The following FLT1 variants were observed in gnomAD, a reference collection of about 807,000 sequenced individuals.
FLT1 encodes the protein fms related receptor tyrosine kinase 1.
FLT1 carries 49 observed loss-of-function variants against 156.3 expected under a neutral mutation model. The observed-to-expected ratio is 0.31, with a 90% CI of 0.25 to 0.40. The LOEUF (loss-of-function observed/expected upper bound fraction) is 0.40, where lower values mean the gene tolerates loss of function less well. Ranked by LOEUF, FLT1 falls within the 10% of genes least tolerant of loss-of-function variation. The pLI is 1.00. For missense variants in FLT1, 1,322 were observed against 1,637.2 expected, an observed-to-expected ratio of 0.81 and a Z score of 3.32; for synonymous variants, 594 against 583.8, an observed-to-expected ratio of 1.02 and a Z score of -0.25.
At chr13:28,318,658 A>G (rs1871305318) in intron 24 of FLT1, among the ~76,000 whole-genome samples, 1 of 152,094 alleles carries the variant, frequency 6.6e-6, no homozygotes, top group African/African-American at 2.4e-5. Context: ...AAGCAGGGGA[A>G]TGATTTTCAC....
At position 28,387,067 on chromosome 13, in the gene FLT1, G is replaced by A. The variant is rs554319813; in HGVS notation, c.1970-2036C>T. 7 of 1,035,646 alleles carry A rather than the reference G, an allele frequency of 6.8e-6. No individual in the cohort carries two copies. The African/African-American group carries it at 1.0e-4, about 15-fold the overall frequency. The allele number at this position is 1,035,646 out of a possible 1,614,324, so 64.2% of individuals were successfully genotyped here. ...CTCCCTGACAGGTGGATTGGAAAAC[G>A]GTGTTTAAAGAGAAGAGAACATTTT... On this transcript the variant is annotated intron_variant, in intron 13 of 29. Transcript: ENST00000282397.
intron 3 of FLT1, among the ~76,000 whole-genome samples, chr13:28,456,888 G>A (rs978202825): frequency 5.3e-5 from 8 of 152,102 alleles, no homozygotes; most frequent in Non-Finnish European, 1.0e-4. Flanking sequence ...TAGATTTTAG[G>A]GCAGTGAAAA....
chr13:28,383,648 C>T (rs1246241532), intron 14 of FLT1, among the ~76,000 whole-genome samples: 5 of 148,684 alleles, frequency 3.4e-5, no homozygotes, highest in African/African-American at 1.0e-4. Context: ...GGCGACAGAG[C>T]GAGACTCTGT....
At chr13:28,325,771 C>A (rs1212959808) in intron 20 of FLT1, among the ~76,000 whole-genome samples, 1 of 139,268 alleles carries the variant, frequency 7.2e-6, no homozygotes, top group Non-Finnish European at 1.5e-5. Flanking sequence ...GCTGAGATCA[C>A]ACCACTGCAC....
At chr13:28,345,146 G>T (rs377597997) in intron 16 of FLT1, among the ~76,000 whole-genome samples, 2 of 152,000 alleles carry the variant, frequency 1.3e-5, no homozygotes, top group East Asian at 3.9e-4. Flanking sequence ...GGAAATAAAG[G>T]TTTCACAGGT....
intron 10 of FLT1, among the ~76,000 whole-genome samples, chr13:28,415,282 C>G (rs2137516211): frequency 6.6e-6 from 1 of 152,258 alleles, no homozygotes; most frequent in South Asian, 2.1e-4. Flanking sequence ...GAGTTCGAGA[C>G]CAGCCTGACC....
chr13:28,427,485 A>T (rs1877416125), intron 9 of FLT1, among the ~76,000 whole-genome samples, 167 bp from the exon 10 acceptor site: 1 of 152,210 alleles, frequency 6.6e-6, no homozygotes, highest in Non-Finnish European at 1.5e-5. Context: ...GCAGATTTTT[A>T]AAAGTAGTAG....
intron 13 of FLT1, chr13:28,387,634 G>A (rs1874439236): frequency 1.9e-6 from 2 of 1,065,038 alleles, no homozygotes; most frequent in Non-Finnish European, 1.1e-6. Context: ...TTGGAATGGG[G>A]ACTGAGGAAC....
At chr13:28,355,129 C>T (rs1036160962) in intron 15 of FLT1, among the ~76,000 whole-genome samples, 3 of 152,180 alleles carry the variant, frequency 2.0e-5, no homozygotes, top group African/African-American at 7.2e-5. Context: ...TAAGGCACCT[C>T]AGGAATGAGA....
rs1248953137 is a variant in FLT1, at chr13:28,302,570, G to A, written c.*597C>T. The A allele has an allele frequency of 2.6e-4, 61 of 233,736 alleles. No homozygotes were observed. The highest frequency in any genetic ancestry group is 2.0e-3 in the East Asian group (33 of 16,610). The allele number at this position is 233,736 out of a possible 1,614,324, so 14.5% of individuals were successfully genotyped here. On this transcript the variant is annotated 3_prime_UTR_variant, in exon 30 of 30. Coordinates refer to ENST00000282397, the MANE Select transcript of FLT1 (RefSeq NM_002019.4). ...TCAAATGTAGAAGGGTCAGAGCTGG[G>A]AAGCCACTGAAATGGCATTGCTGAG...
chr13:28,400,807 T>G (rs978074792), intron 11 of FLT1, among the ~76,000 whole-genome samples: 1 of 152,240 alleles, frequency 6.6e-6, no homozygotes, highest in East Asian at 1.9e-4. Flanking sequence ...TTCTATAAGG[T>G]ATGCAAAAAT....
At chr13:28,463,153 C>T (rs1858690926) in intron 3 of FLT1, among the ~76,000 whole-genome samples, 1 of 152,084 alleles carries the variant, frequency 6.6e-6, no homozygotes, top group South Asian at 2.1e-4. Context: ...TTTAAATTTA[C>T]TAGATAATTC....
chr13:28,472,309 C>G (rs1303501959), intron 1 of FLT1, among the ~76,000 whole-genome samples: 1 of 152,194 alleles, frequency 6.6e-6, no homozygotes, highest in African/African-American at 2.4e-5. Flanking sequence ...TATTTTGCAA[C>G]TAAATCCAAA....
chr13:28,469,655 G>A (rs1162538345), intron 1 of FLT1, among the ~76,000 whole-genome samples: 2 of 152,150 alleles, frequency 1.3e-5, no homozygotes, highest in Non-Finnish European at 2.9e-5. Context: ...CCCTGCTTCT[G>A]TCAGAATATT....
At chr13:28,357,868 CTTTTTTTTTT>C (rs57304530) in intron 14 of FLT1, among the ~76,000 whole-genome samples, 183 bp from the exon 15 acceptor site, 6 of 104,732 alleles carry the variant, frequency 5.7e-5, no homozygotes, top group Admixed American at 1.2e-4. Context: ...CTTTTCTTTC[CTTTTTTTTTT>C]TTTTTTTTTT....
intron 9 of FLT1, 29 bp downstream of exon 9, chr13:28,427,723 C>G: frequency 6.2e-7 from 1 of 1,604,092 alleles, no homozygotes; most frequent in Non-Finnish European, 8.5e-7. Flanking sequence ...CCTACCAGAA[C>G]CAGAAGAAAG....
At chr13:28,428,864 A>G (rs17551435) in intron 8 of FLT1, among the ~76,000 whole-genome samples, 7,026 of 152,310 alleles carry the variant, frequency 0.046, 274 homozygotes, top group Admixed American at 0.11. Flanking sequence ...AGTGTGTCTC[A>G]GATCCAAAGT....
At position 28,303,497 on chromosome 13, in the gene FLT1, C is replaced by CG. The variant is rs1491291578; in HGVS notation, c.3816-130_3816-129insC. 9.2e-5 allele frequency: 73 copies of CG among 797,066 alleles called. 2 individuals carry two copies. The highest frequency in any genetic ancestry group is 6.6e-4 in the African/African-American group (38 of 57,738). The allele number at this position is 797,066 out of a possible 1,614,324, so 49.4% of individuals were successfully genotyped here. A position where few individuals can be genotyped will look rare whatever the true frequency, so the allele number is the denominator to read the frequency against. ...CTAGAGTTCATGGTTTTGGAACCCC[C>CG]CCCCCCTCAATTGCTGTCAGATTTC... On this transcript the variant is annotated intron_variant, in intron 29 of 29. Transcript: ENST00000282397.
chr13:28,333,325 T>A (rs1181872391), intron 18 of FLT1, among the ~76,000 whole-genome samples: 1 of 152,140 alleles, frequency 6.6e-6, no homozygotes, highest in African/African-American at 2.4e-5. Context: ...CCATTACAGA[T>A]GAGGAAATGA....
Sources: allele counts gnomAD v4.1 joint callset (sites outside exome capture counted in the v4.1 genomes callset), GRCh38; gene constraint gnomAD v4.1.1; transcripts MANE v1.5; gene names NCBI Gene and HGNC (gene_info 2026-07-23, HGNC 2026-07-21).